Variants in DMXL2 observed in about 807,000 individuals in gnomAD.
DMXL2 encodes the protein dmX-like protein 2.
In DMXL2, 103 loss-of-function variants were observed where a neutral mutation model predicts 331.1. That is an observed-to-expected ratio of 0.31 (90% CI 0.27 to 0.37). DMXL2 has a LOEUF of 0.37. Ranked by LOEUF, DMXL2 falls within the 10% of genes least tolerant of loss-of-function variation. The probability of loss-of-function intolerance (pLI) is 1.00; values close to 1 mark genes in which losing one functional copy is unlikely to be tolerated. For missense variants in DMXL2, 3,171 were observed against 3,642.9 expected (o/e 0.87, Z 3.33); for synonymous variants, 1,281 against 1,252.1 (o/e 1.02, Z -0.49).
At chr15:51,512,551 C>A (rs1044541587) in intron 15 of DMXL2, among the ~76,000 whole-genome samples, 1 of 152,212 alleles carries the variant, frequency 6.6e-6, no homozygotes, top group African/African-American at 2.4e-5. Flanking sequence ...TGGCTCACGC[C>A]TGTAATCCCA....
Position 51,502,968 on chromosome 15 carries a change from A to T in DMXL2, c.2830T>A (p.Ser944Thr). 6.2e-7 allele frequency: 1 copy of T among 1,614,084 alleles called. No individual in the cohort carries two copies. The highest frequency in any genetic ancestry group is 1.1e-5 in the South Asian group (1 of 91,072). ...LSVPGQKNVD[S>T]SPETSPSVSP... is the part of the protein sequence containing the mutation. ...ACACTAGGAGAGGTTTCTGGAGAAGAATCTACGTTCTTCTGTCCAGGGACT... is the reference window on the plus strand; with the variant it reads ...ACACTAGGAGAGGTTTCTGGAGAAGTATCTACGTTCTTCTGTCCAGGGACT... The change falls in exon 17 of 44, where the codon TCT (serine) becomes ACT (threonine). Residue 944 changes from serine to threonine, a missense_variant. Ser to Thr is a moderately conservative substitution (Grantham distance 58). Coordinates refer to ENST00000560891, the MANE Select transcript of DMXL2 (RefSeq NM_001378457.1).
At chr15:51,461,929 C>T (rs1259158099) in intron 33 of DMXL2, among the ~76,000 whole-genome samples, 1 of 152,120 alleles carries the variant, frequency 6.6e-6, no homozygotes, top group Admixed American at 6.5e-5. Context: ...ATGCTATACA[C>T]AGTGGTTTAA....
intron 1 of DMXL2, among the ~76,000 whole-genome samples, chr15:51,612,142 A>G (rs1378297686): frequency 6.6e-6 from 1 of 152,186 alleles, no homozygotes; most frequent in Non-Finnish European, 1.5e-5. Flanking sequence ...CAGACACAAA[A>G]TGAAGATACT....
chr15:51,556,339 T>A (rs2049578758), intron 6 of DMXL2, among the ~76,000 whole-genome samples: 2 of 92,532 alleles, frequency 2.2e-5, no homozygotes, highest in Admixed American at 1.5e-4. Context: ...CGAGACACTG[T>A]CTCAAAAAAA....
chr15:51,603,506 A>G (rs1222840831), intron 1 of DMXL2: 1 of 152,208 alleles, frequency 6.6e-6, no homozygotes, highest in Non-Finnish European at 1.5e-5. Flanking sequence ...TGTTTCACTT[A>G]TAAATTCTAC....
chr15:51,499,900 T>C lies in DMXL2; in HGVS notation c.3324A>G (p.Glu1108=), dbSNP rs746722171. ...KEFSMHVCIF[E]CESTGGSEWV... is the part of the protein sequence containing the mutation. ...ACTCTGATCCTCCTGTAGATTCACA[T>C]TCAAATATACAAACATGCATGGAAA... Residue 1108 remains glutamate (E), a synonymous_variant, in exon 18 of 44, where the codon GAA becomes GAG. Transcript: ENST00000560891. 8.7e-6 allele frequency: 14 copies of C among 1,614,144 alleles called. No individual in the cohort carries two copies. The highest frequency in any genetic ancestry group is 1.2e-5 in the Non-Finnish European group (14 of 1,180,008).
chr15:51,459,988 G>C lies in DMXL2; in HGVS notation c.7927-328C>G, dbSNP rs28585526. On this transcript the variant is annotated intron_variant, in intron 33 of 43. Transcript: ENST00000560891. ...AAATTAAAGCCCATTTGTATAAGCA[G>C]ATGCAGAAGATGCTACATAAATTCC... The C allele has an allele frequency of 6.1e-6, 6 of 984,772 alleles. No individual in the cohort carries two copies. In the African/African-American group the frequency reaches 1.0e-4, roughly 17 times the overall value. The allele number at this position is 984,772 out of a possible 1,614,324, so 61.0% of individuals were successfully genotyped here.
intron 14 of DMXL2, among the ~76,000 whole-genome samples, chr15:51,516,235 T>G (rs531292266): frequency 6.6e-6 from 1 of 152,300 alleles, no homozygotes; most frequent in South Asian, 2.1e-4. Context: ...ATAAACATAG[T>G]CCTAAAGAAA....
chr15:51,622,392 A>G, intron 1 of DMXL2, 67 bp downstream of exon 1: 2 of 1,544,124 alleles, frequency 1.3e-6, no homozygotes, highest in Non-Finnish European at 1.8e-6. Context: ...TGCGCCCTGG[A>G]CAGGAGGTCC....
chr15:51,488,003 T>C lies in DMXL2; in HGVS notation c.5168A>G (p.Gln1723Arg), dbSNP rs2042523196. The C allele has an allele frequency of 8.7e-6, 14 of 1,612,816 alleles. No individual in the cohort carries two copies. Among genetic ancestry groups the C allele is most frequent in the African/African-American group, 1.3e-5 (1 of 74,858 alleles). Residue 1723 changes from glutamine (Q) to arginine (R), a missense_variant, in exon 22 of 44, where the codon CAA becomes CGA. Around this residue, in one of 7 missense-constraint regions of DMXL2, gnomAD observed 252 missense variants for 387.4 expected, o/e 0.65. Transcript: ENST00000560891. ...FSLLGKQRFE[Q>R]SAAFFLLAGS... is the part of the protein sequence containing the mutation. Reference sequence around the variant, plus strand: ...AGCTAGCAAGAAAAAAGCAGCCGATTGTTCAAAGCGTTGTTTTCCAAGTAA... The same window carrying C: ...AGCTAGCAAGAAAAAAGCAGCCGATCGTTCAAAGCGTTGTTTTCCAAGTAA...
chr15:51,453,451 C>A, intron 41 of DMXL2, 99 bp downstream of exon 41: 1 of 820,890 alleles, frequency 1.2e-6, no homozygotes, highest in Non-Finnish European at 1.8e-6. Flanking sequence ...TTTTTTAATG[C>A]CTAGAGTGGA....
chr15:51,506,680 C>A (rs1291382054), intron 16 of DMXL2, among the ~76,000 whole-genome samples: 4 of 151,740 alleles, frequency 2.6e-5, no homozygotes, highest in African/African-American at 9.7e-5. Context: ...GTCTCGATCT[C>A]CTGACCTCGT....
At chr15:51,600,153 G>A (rs529716390) in intron 1 of DMXL2, among the ~76,000 whole-genome samples, 2 of 152,316 alleles carry the variant, frequency 1.3e-5, no homozygotes, top group South Asian at 4.1e-4. Context: ...GTATAAGTCT[G>A]ACTTTCTCAT....
At chr15:51,470,863 C>G (rs770437537) in intron 29 of DMXL2, among the ~76,000 whole-genome samples, 2 of 152,136 alleles carry the variant, frequency 1.3e-5, no homozygotes, top group African/African-American at 2.4e-5. Context: ...GTCCATCCAT[C>G]TCCTTCTATT....
chr15:51,610,878 T>C (rs1183668029), intron 1 of DMXL2, among the ~76,000 whole-genome samples: 1 of 152,024 alleles, frequency 6.6e-6, no homozygotes, highest in Non-Finnish European at 1.5e-5. Flanking sequence ...ATGCTAGAAA[T>C]TAGTAAGCAT....
At chr15:51,560,668 C>CA (rs992393904) in intron 6 of DMXL2, among the ~76,000 whole-genome samples, 2,031 of 70,832 alleles carry the variant, frequency 0.029, 29 homozygotes, top group East Asian at 0.042. Flanking sequence ...GACTCAGTCT[C>CA]AAAAAAAAAA....
At chr15:51,472,000 A>G (rs921576029) in intron 28 of DMXL2, among the ~76,000 whole-genome samples, 2 of 152,186 alleles carry the variant, frequency 1.3e-5, no homozygotes, top group Admixed American at 6.5e-5. Flanking sequence ...TAGTCACACA[A>G]TGAGGTATGG....
At chr15:51,561,719 G>A (rs1000200227) in intron 6 of DMXL2, among the ~76,000 whole-genome samples, 1 of 152,184 alleles carries the variant, frequency 6.6e-6, no homozygotes, top group African/African-American at 2.4e-5. Context: ...GTATCAAAGG[G>A]ATAGCTACAC....
intron 17 of DMXL2, 83 bp from the exon 18 acceptor site, chr15:51,500,314 G>T: frequency 7.4e-7 from 1 of 1,358,666 alleles, no homozygotes; most frequent in Non-Finnish European, 9.9e-7. Flanking sequence ...TCTGGAATGT[G>T]ATCAATTTAA....
Sources: allele counts gnomAD v4.1 joint callset (sites outside exome capture counted in the v4.1 genomes callset), GRCh38; gene constraint gnomAD v4.1.1; regional missense constraint gnomAD v4.1.1; transcripts MANE v1.5; gene names NCBI Gene and HGNC (gene_info 2026-07-23, HGNC 2026-07-21).